The following MYO3B variants were observed in gnomAD, a reference collection of about 807,000 sequenced individuals.
The protein encoded by MYO3B is myosin IIIB.
Under a neutral mutation model 174.6 loss-of-function variants are expected in MYO3B, and 156 were observed. The observed-to-expected ratio is 0.89, with a 90% confidence interval of 0.78 to 1.02. The LOEUF is 1.02. MYO3B is among the 50% of genes least tolerant of loss of function. The pLI is 0.00. For missense variants in MYO3B, 1,632 were observed against 1,639.4 expected (o/e 1.00, Z 0.08); for synonymous variants, 563 against 569.1 (o/e 0.99, Z 0.15).
intron 32 of MYO3B, among the ~76,000 whole-genome samples, chr2:170,622,371 G>C (rs1382210992): frequency 6.6e-6 from 1 of 152,092 alleles, no homozygotes; most frequent in African/African-American, 2.4e-5. Context: ...TTTCTGTCCT[G>C]AGAAGAGCAA....
intron 32 of MYO3B, among the ~76,000 whole-genome samples, chr2:170,599,055 A>G (rs1028788651): frequency 6.6e-6 from 1 of 152,156 alleles, no homozygotes; most frequent in African/African-American, 2.4e-5. Context: ...TACTTCTCAG[A>G]GTGCTGTATG....
chr2:170,369,631 A>T (rs1324704620), intron 9 of MYO3B, among the ~76,000 whole-genome samples: 1 of 152,056 alleles, frequency 6.6e-6, no homozygotes, highest in Non-Finnish European at 1.5e-5. Flanking sequence ...GTGTTCAGTT[A>T]GCTTTAGTTA....
intron 7 of MYO3B, among the ~76,000 whole-genome samples, chr2:170,268,860 C>T (rs1440785227): frequency 2.0e-5 from 3 of 152,094 alleles, no homozygotes; most frequent in Non-Finnish European, 4.4e-5. Flanking sequence ...TAGCATTCCA[C>T]AGAAGAAAAA....
At chr2:170,478,522 T>TACACACACACACAC (rs60349340) in intron 25 of MYO3B, among the ~76,000 whole-genome samples, 2 of 126,100 alleles carry the variant, frequency 1.6e-5, no homozygotes, top group African/African-American at 6.1e-5. Context: ...GGTGTTATTG[T>TACACACACACACAC]ACACACACAC....
intron 32 of MYO3B, among the ~76,000 whole-genome samples, chr2:170,559,363 G>T (rs61309087): frequency 6.6e-6 from 1 of 152,186 alleles, no homozygotes; most frequent in Non-Finnish European, 1.5e-5. Context: ...TTTGGCTGTA[G>T]ACTGTAAAGT....
intron 23 of MYO3B, among the ~76,000 whole-genome samples, chr2:170,448,393 C>G (rs775098361): frequency 6.6e-5 from 10 of 152,082 alleles, no homozygotes; most frequent in Admixed American, 2.0e-4. Flanking sequence ...ACACCTTATT[C>G]TTCAGATGTG....
At chr2:170,314,039 G>T (rs1262472513) in intron 7 of MYO3B, among the ~76,000 whole-genome samples, 1 of 152,142 alleles carries the variant, frequency 6.6e-6, no homozygotes, top group East Asian at 1.9e-4. Context: ...GGGAAAGAAG[G>T]GGACTGTGCT....
chr2:170,514,630 A>G (rs1317372648), intron 28 of MYO3B, among the ~76,000 whole-genome samples: 1 of 152,214 alleles, frequency 6.6e-6, no homozygotes. Context: ...CTATTTGACT[A>G]ATGTGATCAG....
chr2:170,226,698 A>T (rs2092956000), intron 6 of MYO3B, among the ~76,000 whole-genome samples: 1 of 152,108 alleles, frequency 6.6e-6, no homozygotes, highest in Non-Finnish European at 1.5e-5. Flanking sequence ...ACCCTATCTG[A>T]GGGCTTTAGA....
At chr2:170,561,735 T>A (rs994628131) in intron 32 of MYO3B, among the ~76,000 whole-genome samples, 1 of 152,236 alleles carries the variant, frequency 6.6e-6, no homozygotes, top group African/African-American at 2.4e-5. Flanking sequence ...TTGCTCTTTT[T>A]TGGTTAGATG....
At chr2:170,473,421 C>T (rs556004544) in intron 25 of MYO3B, among the ~76,000 whole-genome samples, 2 of 152,214 alleles carry the variant, frequency 1.3e-5, no homozygotes, top group African/African-American at 2.4e-5. Context: ...ACTGGGATTA[C>T]AGGCGTGAGC....
chr2:170,300,234 T>C (rs2093657252), intron 7 of MYO3B, among the ~76,000 whole-genome samples: 1 of 152,162 alleles, frequency 6.6e-6, no homozygotes, highest in African/African-American at 2.4e-5. Flanking sequence ...AAATAACACA[T>C]GACATTTCTA....
At chr2:170,396,460 A>G (rs2094442454) in intron 16 of MYO3B, among the ~76,000 whole-genome samples, 1 of 152,108 alleles carries the variant, frequency 6.6e-6, no homozygotes, top group South Asian at 2.1e-4. Flanking sequence ...ACCCAAGGTT[A>G]GGACTGATGG....
chr2:170,188,243 C>T (rs1171003332), intron 1 of MYO3B, among the ~76,000 whole-genome samples: 1 of 152,106 alleles, frequency 6.6e-6, no homozygotes, highest in Non-Finnish European at 1.5e-5. Context: ...GTCTTGAAAT[C>T]TATTTTGTCT....
chr2:170,630,868 A>G (rs185944596), intron 32 of MYO3B, among the ~76,000 whole-genome samples: 1 of 152,350 alleles, frequency 6.6e-6, no homozygotes, highest in African/African-American at 2.4e-5. Context: ...CAATATCAAC[A>G]AAAAGGACAT....
intron 32 of MYO3B, among the ~76,000 whole-genome samples, chr2:170,580,629 T>G (rs1392959763): frequency 2.6e-5 from 4 of 151,760 alleles, no homozygotes; most frequent in African/African-American, 9.7e-5. Context: ...CAGAGCGAGA[T>G]CCGTCTCAAA....
chr2:170,555,666 G>A (rs1691234420), intron 32 of MYO3B, among the ~76,000 whole-genome samples: 1 of 152,004 alleles, frequency 6.6e-6, no homozygotes, highest in African/African-American at 2.4e-5. Flanking sequence ...GAGGCCAAGA[G>A]TTTAAGACCA....
At chr2:170,606,610 C>G (rs190956888) in intron 32 of MYO3B, among the ~76,000 whole-genome samples, 8 of 152,370 alleles carry the variant, frequency 5.3e-5, no homozygotes, top group Non-Finnish European at 1.0e-4. Context: ...CCACCTAATA[C>G]ATTCCTAGAA....
chr2:170,445,696 A>G (rs181040520), intron 23 of MYO3B, among the ~76,000 whole-genome samples: 246 of 151,996 alleles, frequency 1.6e-3, no homozygotes, highest in African/African-American at 5.7e-3. Context: ...GTGTAGTGGC[A>G]TGATCATATC....
Sources: allele counts gnomAD v4.1 joint callset (sites outside exome capture counted in the v4.1 genomes callset), GRCh38; gene constraint gnomAD v4.1.1; transcripts MANE v1.5; gene names NCBI Gene and HGNC (gene_info 2026-07-23, HGNC 2026-07-21).